The following SLC9A8 variants were observed in gnomAD, a reference collection of about 807,000 sequenced individuals.
SLC9A8 encodes the protein sodium/hydrogen exchanger 8.
Under a neutral mutation model 66.6 loss-of-function variants are expected in SLC9A8, and 48 were observed. The observed-to-expected ratio is 0.72, with a 90% CI of 0.57 to 0.92. The LOEUF (loss-of-function observed/expected upper bound fraction) is 0.92, where lower values mean the gene tolerates loss of function less well. SLC9A8 is among the 40% of genes least tolerant of loss of function. SLC9A8 has a pLI of 0.00. For missense variants in SLC9A8, 599 were observed against 747.3 expected (o/e 0.80, Z 2.31); for synonymous variants, 274 against 282.6 (o/e 0.97, Z 0.31).
At chr20:49,873,870 T>C (rs1010791979) in intron 10 of SLC9A8, among the ~76,000 whole-genome samples, 1 of 151,356 alleles carries the variant, frequency 6.6e-6, no homozygotes, top group Non-Finnish European at 1.5e-5. Context: ...GCCACCCTTA[T>C]ATAGTCATCC....
chr20:49,881,028 G>T lies in SLC9A8; in HGVS notation c.1263G>T (p.Trp421Cys), dbSNP rs1481324887. 1.2e-6 allele frequency: 2 copies of T among 1,608,282 alleles called. No individual in the cohort carries two copies. Among genetic ancestry groups the T allele is most frequent in the South Asian group, 1.1e-5 (1 of 90,958 alleles). Residue 421 changes from tryptophan (W) to cysteine (C), a missense_variant, in exon 13 of 16, where the codon TGG becomes TGT. Trp to Cys is a radical substitution (Grantham distance 215). Coordinates refer to ENST00000361573, the MANE Select transcript of SLC9A8 (RefSeq NM_015266.3). Reference protein sequence around the residue: ...KITPKMMFIMWFSGLRGAIPY... With the variant: ...KITPKMMFIMCFSGLRGAIPY... Reference sequence around the variant, plus strand: ...CACCGAAGATGATGTTCATCATGTGGTTTAGTGGTAAGTCAAATCTTGGAT... The same window carrying T: ...CACCGAAGATGATGTTCATCATGTGTTTTAGTGGTAAGTCAAATCTTGGAT...
chr20:49,830,594 G>A, intron 3 of SLC9A8: 2 of 610,088 alleles, frequency 3.3e-6, no homozygotes, highest in East Asian at 2.9e-5. Flanking sequence ...CCATCTCAGG[G>A]AATCAGCAGC....
intron 1 of SLC9A8, 142 bp from the exon 2 acceptor site, chr20:49,814,862 TAGTA>T (rs2086487451): frequency 1.8e-6 from 1 of 557,054 alleles, no homozygotes; most frequent in Non-Finnish European, 2.9e-6. Context: ...GGGATTTTCT[TAGTA>T]AGTTTCTCTC....
At chr20:49,850,634 G>A (rs1014567259) in intron 6 of SLC9A8, 176 bp from the exon 7 acceptor site, 9 of 629,228 alleles carry the variant, frequency 1.4e-5, no homozygotes, top group African/African-American at 3.7e-5. Context: ...GTTGCATGCC[G>A]ATGGAATGCA....
At chr20:49,839,474 T>G in intron 3 of SLC9A8, 67 bp from the exon 4 acceptor site, 2 of 1,089,306 alleles carry the variant, frequency 1.8e-6, no homozygotes, top group Non-Finnish European at 1.4e-6. Flanking sequence ...GGCTGTGTCA[T>G]GTCTTAAATT....
intron 6 of SLC9A8, 28 bp from the exon 7 acceptor site, chr20:49,850,780 GTC>G (rs777920593): frequency 6.2e-7 from 1 of 1,605,668 alleles, no homozygotes; most frequent in South Asian, 1.1e-5. Context: ...TTTTGTGTGT[GTC>G]TGTGTGTTTG....
At chr20:49,826,417 G>A (rs945218811) in intron 3 of SLC9A8, among the ~76,000 whole-genome samples, 6 of 152,146 alleles carry the variant, frequency 3.9e-5, no homozygotes, top group Admixed American at 3.9e-4. Flanking sequence ...GTTCTTTCAG[G>A]GATAAATTTT....
rs1555848218 is a variant in SLC9A8 at position 49,884,227 on chromosome 20, C to CACACG, written c.1491+165_1491+166insGACAC. ...ACACACACACACACACACACACACACACACACACACACACGACACACACAC... is the reference window on the plus strand; with the variant it reads ...ACACACACACACACACACACACACACACACGACACACACACACACGACACACACAC... On this transcript the variant is annotated intron_variant, in intron 14 of 15. Transcript: ENST00000361573. 8.3e-4 allele frequency: 180 copies of CACACG among 216,172 alleles called. 2 individuals carry two copies. Among genetic ancestry groups the CACACG allele is most frequent in the East Asian group, 1.1e-3 (16 of 14,228 alleles). 13.4% of individuals were successfully genotyped at this position (216,172 alleles called of 1,614,324 possible). A position where few individuals can be genotyped will look rare whatever the true frequency, so the allele number is the denominator to read the frequency against.
At chr20:49,846,812 G>A (rs1367545525) in intron 5 of SLC9A8, among the ~76,000 whole-genome samples, 1 of 152,098 alleles carries the variant, frequency 6.6e-6, no homozygotes, top group African/African-American at 2.4e-5. Flanking sequence ...TACTCTGGAG[G>A]CTGAAGCATG....
In SLC9A8 at chr20:49,849,589, T is replaced by C. The variant is rs2088162343; in HGVS notation, c.443T>C (p.Phe148Ser). Residue 148 changes from phenylalanine (F) to serine (S), a missense_variant, in exon 6 of 16, where the codon TTT becomes TCT. Physicochemically the swap from Phe to Ser is radical, Grantham distance 155. Coordinates refer to ENST00000361573, the MANE Select transcript of SLC9A8 (RefSeq NM_015266.3). Reference protein sequence around the residue: ...SGYSLHKGNFFQNIGSITLFA... With the variant: ...SGYSLHKGNFSQNIGSITLFA... ...TGCTCTTTCAAACAGGGTAACTTCT[T>C]TCAAAATATTGGTTCCATCACCCTG... is the stretch of plus-strand genomic sequence containing the variant. 2 of 1,612,964 alleles carry C rather than the reference T, an allele frequency of 1.2e-6. No individual in the cohort carries two copies. The highest frequency in any genetic ancestry group is 2.7e-5 in the African/African-American group (2 of 74,984).
chr20:49,890,008 T>C lies in SLC9A8; in HGVS notation c.*2072T>C, dbSNP rs1293753220. 1 of 152,208 alleles carries C rather than the reference T, an allele frequency of 6.6e-6. No homozygotes were observed. Among genetic ancestry groups the C allele is most frequent in the East Asian group, 1.9e-4 (1 of 5,200 alleles). 9.4% of individuals were successfully genotyped at this position (152,208 alleles called of 1,614,324 possible). Reference sequence around the variant, plus strand: ...CCAGGTCACACCTGGCCTCACACTTTGAGCTGAGACTTGAAAACGATGCTG... The same window carrying C: ...CCAGGTCACACCTGGCCTCACACTTCGAGCTGAGACTTGAAAACGATGCTG... On this transcript the variant is annotated 3_prime_UTR_variant, in exon 16 of 16. Transcript: ENST00000361573.
In SLC9A8 at chr20:49,887,909, C is replaced by G; in HGVS notation, c.1719C>G (p.Ser573=). The G allele has an allele frequency of 1.2e-6, 2 of 1,613,720 alleles. No individual in the cohort carries two copies. The highest frequency in any genetic ancestry group is 1.7e-6 in the Non-Finnish European group (2 of 1,179,840). ...AGGTACGCCAGGGCCCCTCCGGCTC[C>G]GAGGACGACGAGCAGGAGCTGCTCT... ...YEEVRQGPSG[S]EDDEQELL The change falls in exon 16 of 16, where the codon TCC becomes TCG. Residue 573 remains serine, a synonymous_variant. Transcript: ENST00000361573.
chr20:49,884,744 A>T (rs2089828855), intron 14 of SLC9A8, among the ~76,000 whole-genome samples: 1 of 151,966 alleles, frequency 6.6e-6, no homozygotes, highest in African/African-American at 2.4e-5. Context: ...CTGTAGGGAG[A>T]GCTGAGGTTC....
intron 14 of SLC9A8, among the ~76,000 whole-genome samples, chr20:49,885,061 CCA>C (rs2089839635): frequency 6.6e-6 from 1 of 152,252 alleles, no homozygotes; most frequent in Admixed American, 6.5e-5. Flanking sequence ...CCTCCAATCT[CCA>C]TGCTCAGCTG....
chr20:49,839,475 G>A, intron 3 of SLC9A8, 66 bp from the exon 4 acceptor site: 3 of 1,129,430 alleles, frequency 2.7e-6, no homozygotes, highest in Non-Finnish European at 4.0e-6. Flanking sequence ...GCTGTGTCAT[G>A]TCTTAAATTT....
intron 9 of SLC9A8, among the ~76,000 whole-genome samples, chr20:49,863,657 C>T (rs771848711): frequency 6.6e-6 from 1 of 152,210 alleles, no homozygotes; most frequent in Non-Finnish European, 1.5e-5. Flanking sequence ...AAAGTGTGTT[C>T]CATTGAGTTA....
rs541060705 is a variant in SLC9A8 at position 49,829,947 on chromosome 20, G to A, written c.289+6806G>A. Reference sequence around the variant, plus strand: ...CAAGAGCAAAGTCCCCAGAAGCGGGGTCAGCCCCCAAAGAATGAGAAGAAT... The same window carrying A: ...CAAGAGCAAAGTCCCCAGAAGCGGGATCAGCCCCCAAAGAATGAGAAGAAT... On this transcript the variant is annotated intron_variant, in intron 3 of 15. Coordinates refer to ENST00000361573, the MANE Select transcript of SLC9A8 (RefSeq NM_015266.3). 5.1e-6 allele frequency: 3 copies of A among 592,340 alleles called. No homozygotes were observed. The African/African-American group carries it at 5.5e-5, about 11-fold the overall frequency. The allele number at this position is 592,340 out of a possible 1,614,324, so 36.7% of individuals were successfully genotyped here.
Position 49,867,934 on chromosome 20 carries a change from G to C in SLC9A8, c.958+3090G>C, listed in dbSNP as rs547576009. On this transcript the variant is annotated intron_variant, in intron 10 of 15. Coordinates refer to ENST00000361573, the MANE Select transcript of SLC9A8 (RefSeq NM_015266.3). Reference sequence around the variant, plus strand: ...TTGGGTGCTGCATGAGCAGCACAAGGAGGAAGCAGAGTGGACTCACCATTT... The same window carrying C: ...TTGGGTGCTGCATGAGCAGCACAAGCAGGAAGCAGAGTGGACTCACCATTT... 2.0e-5 allele frequency among the ~76,000 whole-genome samples: 3 copies of C among 152,320 alleles called. No homozygotes were observed. The East Asian group carries it at 5.8e-4, about 29-fold the overall frequency.
chr20:49,849,642 G>A lies in SLC9A8; in HGVS notation c.496G>A (p.Ala166Thr), dbSNP rs377477674. The A allele has an allele frequency of 1.1e-5, 18 of 1,613,768 alleles. No homozygotes were observed. The highest frequency in any genetic ancestry group is 4.4e-5 in the South Asian group (4 of 91,080). ...LFAVFGTAIS[A>T]FVVGGGIYFL... ...TGCTGTTTTTGGGACGGCAATCTCC[G>A]CTTTTGTAGTAGGTGGAGGAATTTA... The change falls in exon 6 of 16, where the codon GCT becomes ACT. Residue 166 changes from alanine to threonine, a missense_variant. Ala to Thr is a moderately conservative substitution (Grantham distance 58). Transcript: ENST00000361573.
Sources: gnomAD v4.1 joint callset for allele counts (sites outside exome capture counted in the v4.1 genomes callset) on GRCh38, gnomAD v4.1.1 for gene constraint, MANE v1.5 for transcripts, NCBI Gene and HGNC (gene_info 2026-07-23, HGNC 2026-07-21) for gene names.